The following VDAC1 variants were observed in gnomAD, a reference collection of about 807,000 sequenced individuals.
The protein encoded by VDAC1 is voltage dependent anion channel 1.
In VDAC1, 10 loss-of-function variants were observed where a neutral mutation model predicts 34.7. The ratio of observed to expected loss-of-function variants is 0.29; its 90% CI spans 0.18 to 0.49. VDAC1 has a LOEUF of 0.49. Ranked by LOEUF, VDAC1 falls within the 20% of genes least tolerant of loss-of-function variation. VDAC1 has a pLI of 0.99. For synonymous variants in VDAC1, 130 were observed against 136.0 expected, an observed-to-expected ratio of 0.96 and a Z score of 0.30; for missense variants, 230 against 347.9, an observed-to-expected ratio of 0.66 and a Z score of 2.69.
chr5:134,020,649 CTTTTTTGT>C, the VDAC1 span, among the ~76,000 whole-genome samples: 1 of 133,738 alleles, frequency 7.5e-6, no homozygotes, highest in Non-Finnish European at 1.6e-5. Context: ...GAACAGGCTT[CTTTTTTGT>C]TTGTTTGTTT....
At chr5:134,091,048 C>T in the VDAC1 span, among the ~76,000 whole-genome samples, 10 of 152,268 alleles carry the variant, frequency 6.6e-5, no homozygotes, top group African/African-American at 2.2e-4. Context: ...GAACACTATG[C>T]AAGTTTATAA....
At chr5:134,114,383 G>A in the VDAC1 span, among the ~76,000 whole-genome samples, 1 of 152,170 alleles carries the variant, frequency 6.6e-6, no homozygotes, top group East Asian at 1.9e-4. Context: ...CAAGGGCCTA[G>A]GGGACCCCCG....
the VDAC1 span, among the ~76,000 whole-genome samples, chr5:134,074,209 G>A: frequency 1.3e-5 from 2 of 152,094 alleles, no homozygotes; most frequent in Admixed American, 6.5e-5. Flanking sequence ...CTACTCGAGA[G>A]GCTGAGGCAG....
chr5:134,002,870 G>A (rs1430415928), intron 1 of VDAC1, among the ~76,000 whole-genome samples: 1 of 152,022 alleles, frequency 6.6e-6, no homozygotes, highest in African/African-American at 2.4e-5. Context: ...TGAGGCTGAG[G>A]TGGGAGGATT....
the VDAC1 span, among the ~76,000 whole-genome samples, chr5:134,053,823 C>G: frequency 6.6e-6 from 1 of 152,196 alleles, no homozygotes; most frequent in African/African-American, 2.4e-5. Context: ...AGAAACAGGG[C>G]TTCTTTCCAT....
chr5:134,078,054 C>A, the VDAC1 span, among the ~76,000 whole-genome samples: 7 of 152,182 alleles, frequency 4.6e-5, no homozygotes, highest in Non-Finnish European at 1.0e-4. Context: ...TGCTTCCAGG[C>A]CCAGTCTGAT....
At position 133,980,744 on chromosome 5, in the gene VDAC1, T is replaced by C. The variant is rs1010260008; in HGVS notation, c.536A>G (p.Gln179Arg). ...FAVGYKTDEF[Q>R]LHTNVNDGTE... ...GTACACTTACACATTAGTGTGAAGCTGGAATTCATCAGTCTTGTAGCCAAC... is the reference window on the plus strand; with the variant it reads ...GTACACTTACACATTAGTGTGAAGCCGGAATTCATCAGTCTTGTAGCCAAC... The change falls in exon 6 of 9, where the codon CAG becomes CGG. Residue 179 changes from glutamine (Q) to arginine (R), a missense_variant. Gln to Arg is a conservative substitution (Grantham distance 43, BLOSUM62 1). Transcript: ENST00000265333. 1.5e-6 allele frequency: 2 copies of C among 1,321,608 alleles called. No individual in the cohort carries two copies. The highest frequency in any genetic ancestry group is 3.6e-5 in the African/African-American group (2 of 56,264). 81.9% of individuals were successfully genotyped at this position (1,321,608 alleles called of 1,614,324 possible).
intron 5 of VDAC1, among the ~76,000 whole-genome samples, chr5:133,990,168 G>T (rs1753049942): frequency 1.3e-5 from 2 of 152,238 alleles, no homozygotes; most frequent in African/African-American, 2.4e-5. Flanking sequence ...TGATGGTCAA[G>T]AACTAACAAG....
the VDAC1 span, among the ~76,000 whole-genome samples, chr5:134,049,300 C>T: frequency 4.6e-5 from 7 of 152,152 alleles, no homozygotes; most frequent in African/African-American, 7.2e-5. Context: ...GTCTATGTTG[C>T]CCAGGATGGT....
the VDAC1 span, among the ~76,000 whole-genome samples, chr5:134,106,077 G>A: frequency 6.6e-6 from 1 of 152,248 alleles, no homozygotes; most frequent in Non-Finnish European, 1.5e-5. Flanking sequence ...GGAATAGGCA[G>A]GCCCGAGTGG....
At chr5:134,098,015 G>A in the VDAC1 span, among the ~76,000 whole-genome samples, 6 of 150,960 alleles carry the variant, frequency 4.0e-5, no homozygotes, top group East Asian at 3.9e-4. Context: ...GATTACAGGC[G>A]CCTGCCAGCA....
At chr5:134,037,821 C>T in the VDAC1 span, among the ~76,000 whole-genome samples, 7 of 152,134 alleles carry the variant, frequency 4.6e-5, no homozygotes, top group Admixed American at 2.6e-4. Context: ...GCAAAAAAAG[C>T]CCCCAAAAAC....
chr5:134,110,585 G>T, the VDAC1 span, among the ~76,000 whole-genome samples: 2 of 152,262 alleles, frequency 1.3e-5, no homozygotes, highest in Non-Finnish European at 2.9e-5. Flanking sequence ...ACCTGTAACC[G>T]GGTTTTGCCC....
chr5:134,099,186 T>G, the VDAC1 span, among the ~76,000 whole-genome samples: 1 of 152,238 alleles, frequency 6.6e-6, no homozygotes, highest in Middle Eastern at 3.4e-3. Flanking sequence ...GCACAGACTC[T>G]TAAAAGTAGG....
At chr5:134,098,293 G>T in the VDAC1 span, among the ~76,000 whole-genome samples, 1 of 151,822 alleles carries the variant, frequency 6.6e-6, no homozygotes. Flanking sequence ...TACCTCTCAG[G>T]TTCAAGCAAT....
the VDAC1 span, among the ~76,000 whole-genome samples, chr5:134,027,840 G>A: frequency 1.4e-5 from 2 of 142,724 alleles, no homozygotes; most frequent in Non-Finnish European, 3.0e-5. Flanking sequence ...GTGTGATCTC[G>A]GCTCACTGCA....
the VDAC1 span, among the ~76,000 whole-genome samples, chr5:134,052,580 A>G: frequency 6.6e-6 from 1 of 152,136 alleles, no homozygotes; most frequent in African/African-American, 2.4e-5. Context: ...ACCGTGCTCA[A>G]CCAAAACTTA....
the VDAC1 span, among the ~76,000 whole-genome samples, chr5:134,057,794 A>G: frequency 2.0e-5 from 3 of 151,990 alleles, no homozygotes; most frequent in Admixed American, 2.0e-4. Context: ...TGCAGTACCC[A>G]TTTCCCTACA....
the VDAC1 span, among the ~76,000 whole-genome samples, chr5:134,068,244 T>A: frequency 6.6e-6 from 1 of 152,182 alleles, no homozygotes; most frequent in African/African-American, 2.4e-5. Context: ...TTGCTATCAT[T>A]GTTGTTGTTT....
Sources: gnomAD v4.1 joint callset for allele counts (sites outside exome capture counted in the v4.1 genomes callset) on GRCh38, gnomAD v4.1.1 for gene constraint, MANE v1.5 for transcripts, NCBI Gene and HGNC (gene_info 2026-07-23, HGNC 2026-07-21) for gene names.